Variants in LYSMD1 observed in about 807,000 individuals in gnomAD.
LYSMD1 encodes lysM and putative peptidoglycan-binding domain-containing protein 1.
A neutral mutation model predicts 19.3 loss-of-function variants in LYSMD1; 9 were observed. That is an observed-to-expected ratio of 0.47 (90% CI 0.28 to 0.81). The LOEUF (loss-of-function observed/expected upper bound fraction) is 0.81. Among genes scored for constraint, LYSMD1 ranks in the 40% least tolerant of loss-of-function variants. The pLI, the probability that LYSMD1 is intolerant of heterozygous loss-of-function variation, is 0.11. For synonymous variants in LYSMD1, 111 were observed against 111.7 expected, an observed-to-expected ratio of 0.99 and a Z score of 0.04; for missense variants, 262 against 279.8, an observed-to-expected ratio of 0.94 and a Z score of 0.45.
downstream of LYSMD1, among the ~76,000 whole-genome samples, chr1:151,158,488 G>C (rs587708640): frequency 6.6e-6 from 1 of 152,120 alleles, no homozygotes; most frequent in South Asian, 2.1e-4. Flanking sequence ...TTGGAGTCAA[G>C]ATTTGCTACA....
downstream of LYSMD1, among the ~76,000 whole-genome samples, chr1:151,158,231 G>A (rs587680331): frequency 9.2e-5 from 14 of 151,832 alleles, no homozygotes; most frequent in Admixed American, 3.9e-4. Flanking sequence ...GCTGAGGCAG[G>A]AGAATAGCTT....
At chr1:151,152,897 T>C in the LYSMD1 span, among the ~76,000 whole-genome samples, 1 of 152,176 alleles carries the variant, frequency 6.6e-6, no homozygotes, top group Non-Finnish European at 1.5e-5. Context: ...TGAATACTTT[T>C]CCAAATAACT....
At chr1:151,162,874 C>G (rs751414357) in intron 1 of LYSMD1, among the ~76,000 whole-genome samples, 2 of 152,138 alleles carry the variant, frequency 1.3e-5, no homozygotes, top group Non-Finnish European at 2.9e-5. Flanking sequence ...GTTTAACTGG[C>G]CTTCCTCGCT....
chr1:151,158,994 G>A (rs775834167), downstream of LYSMD1: 3 of 1,614,288 alleles, frequency 1.9e-6, no homozygotes, highest in East Asian at 6.7e-5. Context: ...AGGGTGCCAT[G>A]ACGGCACTTA....
chr1:151,165,353 G>T lies in LYSMD1; in HGVS notation c.-95C>A, dbSNP rs973656664. 2.0e-6 allele frequency: 3 copies of T among 1,524,920 alleles called. No individual in the cohort carries two copies. Among genetic ancestry groups the T allele is most frequent in the Non-Finnish European group, 2.6e-6 (3 of 1,137,084 alleles). The allele number at this position is 1,524,920 out of a possible 1,614,324, so 94.5% of individuals were successfully genotyped here. A position where few individuals can be genotyped will look rare whatever the true frequency, so the allele number is the denominator to read the frequency against. On this transcript the variant is annotated 5_prime_UTR_variant, in exon 1 of 3. Coordinates refer to ENST00000368908, the MANE Select transcript of LYSMD1 (RefSeq NM_212551.5). ...GAAGTCTGGGAATGAATATTCAGGG[G>T]ATTCCTTTCCCCCTCTCTCTTCCCC...
At chr1:151,157,438 C>T (rs1286529135), downstream of LYSMD1, among the ~76,000 whole-genome samples, 4 of 152,132 alleles carry the variant, frequency 2.6e-5, no homozygotes, top group African/African-American at 7.2e-5. Context: ...GAACCACAGG[C>T]GAAGACCATG....
At chr1:151,159,744 A>ATG, downstream of LYSMD1, 6 of 178,550 alleles carry the variant, frequency 3.4e-5, no homozygotes, top group East Asian at 1.7e-4. Context: ...AAACTACTAA[A>ATG]ATATGCACAG....
At chr1:151,154,895 C>T (rs991353557), downstream of LYSMD1, among the ~76,000 whole-genome samples, 6 of 152,102 alleles carry the variant, frequency 3.9e-5, no homozygotes, top group African/African-American at 7.2e-5. Context: ...CCGCCCACCT[C>T]GGTGTCCCAA....
downstream of LYSMD1, chr1:151,159,156 A>G (rs1683344555): frequency 1.9e-6 from 3 of 1,614,092 alleles, no homozygotes; most frequent in South Asian, 3.3e-5. Flanking sequence ...TCTCTGACCC[A>G]GGTCTGCTCA....
chr1:151,159,759 CAATGTT>C lies in LYSMD1; in HGVS notation c.*1117_*1122del. 2.8e-5 allele frequency: 5 copies of C among 176,600 alleles called. No individual in the cohort carries two copies. The highest frequency in any genetic ancestry group is 1.8e-4 in the East Asian group (1 of 5,708). The allele number at this position is 176,600 out of a possible 1,614,324, so 10.9% of individuals were successfully genotyped here. ...AAACTACTAAAATATGCACAGGGCT[CAATGTT>C]TAATCTGTCCAGCTTCGTATACCTT... On this transcript the variant is annotated 3_prime_UTR_variant, in exon 3 of 3. Coordinates refer to ENST00000368908, the MANE Select transcript of LYSMD1 (RefSeq NM_212551.5).
At chr1:151,161,075 T>TG in intron 2 of LYSMD1, 55 bp from the exon 3 acceptor site, 1 of 1,592,372 alleles carries the variant, frequency 6.3e-7, no homozygotes, top group Non-Finnish European at 8.6e-7. Flanking sequence ...AACCTGACAA[T>TG]GGGCCAAGTG....
Position 151,160,761 on chromosome 1 carries a change from A to C in LYSMD1, c.*121T>G, listed in dbSNP as rs587645036. On this transcript the variant is annotated 3_prime_UTR_variant, in exon 3 of 3. Coordinates refer to ENST00000368908, the MANE Select transcript of LYSMD1 (RefSeq NM_212551.5). ...TTTTTGGCAGACAAGGAGGCTGGGG[A>C]GGATGGCTGGAGTGGAGGGAGGCAG... The C allele has an allele frequency of 7.9e-7, 1 of 1,258,752 alleles. No individual in the cohort carries two copies. Among genetic ancestry groups the C allele is most frequent in the South Asian group, 1.5e-5 (1 of 65,592 alleles). 78.0% of individuals were successfully genotyped at this position (1,258,752 alleles called of 1,614,324 possible). A position where few individuals can be genotyped will look rare whatever the true frequency, so the allele number is the denominator to read the frequency against.
At chr1:151,150,744 T>G in the LYSMD1 span, among the ~76,000 whole-genome samples, 1 of 149,766 alleles carries the variant, frequency 6.7e-6, no homozygotes, top group East Asian at 1.9e-4. Flanking sequence ...TTCTTTTTTT[T>G]TTTTTTTTGA....
At chr1:151,163,903 T>A (rs896240292) in intron 1 of LYSMD1, among the ~76,000 whole-genome samples, 1 of 151,796 alleles carries the variant, frequency 6.6e-6, no homozygotes, top group African/African-American at 2.4e-5. Context: ...TGTGTGTGTG[T>A]GTGTGTGTGT....
intron 1 of LYSMD1, 98 bp from the exon 2 acceptor site, chr1:151,162,198 A>AT: frequency 8.6e-7 from 1 of 1,156,676 alleles, no homozygotes; most frequent in South Asian, 1.6e-5. Context: ...CTTTGATTCC[A>AT]TAACAACCAA....
chr1:151,154,151 G>A, the LYSMD1 span, among the ~76,000 whole-genome samples: 1 of 152,090 alleles, frequency 6.6e-6, no homozygotes, highest in Non-Finnish European at 1.5e-5. Context: ...GACACTAAAA[G>A]ATAATCTGAG....
At chr1:151,155,050 G>A (rs894020545), downstream of LYSMD1, among the ~76,000 whole-genome samples, 2 of 152,146 alleles carry the variant, frequency 1.3e-5, no homozygotes, top group Admixed American at 6.5e-5. Flanking sequence ...ATGAGCCACC[G>A]CGCCCGGCCT....
chr1:151,160,341 T>C lies in LYSMD1; in HGVS notation c.*541A>G, dbSNP rs1683397198. On this transcript the variant is annotated 3_prime_UTR_variant, in exon 3 of 3. Coordinates refer to ENST00000368908, the MANE Select transcript of LYSMD1 (RefSeq NM_212551.5). ...GTGGTGGGCTATATCACCGATTGCCTCATCCTCAATAACATGTTTGGCTAA... is the reference window on the plus strand; with the variant it reads ...GTGGTGGGCTATATCACCGATTGCCCCATCCTCAATAACATGTTTGGCTAA... 6.7e-6 allele frequency: 1 copy of C among 149,848 alleles called. No individual in the cohort carries two copies. Among genetic ancestry groups the C allele is most frequent in the Admixed American group, 6.8e-5 (1 of 14,776 alleles). The allele number at this position is 149,848 out of a possible 1,614,324, so 9.3% of individuals were successfully genotyped here. A position where few individuals can be genotyped will look rare whatever the true frequency, so the allele number is the denominator to read the frequency against.
In LYSMD1 at chr1:151,162,197, C is replaced by T. The variant is rs1489653874; in HGVS notation, c.181-97G>A. 2.6e-6 allele frequency: 3 copies of T among 1,161,260 alleles called. No individual in the cohort carries two copies. In the African/African-American group the frequency reaches 4.8e-5, roughly 19 times the overall value. 71.9% of individuals were successfully genotyped at this position (1,161,260 alleles called of 1,614,324 possible). A position where few individuals can be genotyped will look rare whatever the true frequency, so the allele number is the denominator to read the frequency against. On this transcript the variant is annotated intron_variant, in intron 1 of 2. Coordinates refer to ENST00000368908, the MANE Select transcript of LYSMD1 (RefSeq NM_212551.5). ...GACTGTACAGAGTCTTCTTTGATTC[C>T]ATAACAACCAAGCTAAAGTACAAAG...
Sources: gnomAD v4.1 joint callset for allele counts (sites outside exome capture counted in the v4.1 genomes callset) on GRCh38, gnomAD v4.1.1 for gene constraint, MANE v1.5 for transcripts, NCBI Gene and HGNC (gene_info 2026-07-23, HGNC 2026-07-21) for gene names.